The following SYK variants were observed in gnomAD, a reference collection of about 807,000 sequenced individuals.
SYK encodes tyrosine-protein kinase SYK.
SYK carries 16 observed loss-of-function variants against 77.8 expected under a neutral mutation model. The observed-to-expected ratio is 0.21, with a 90% confidence interval of 0.14 to 0.31. SYK has a LOEUF of 0.31. SYK is among the 10% of genes least tolerant of loss of function. The pLI, the probability that SYK is intolerant of heterozygous loss-of-function variation, is 1.00. For missense variants in SYK, 529 were observed against 814.4 expected (o/e 0.65, Z 4.26); for synonymous variants, 312 against 308.7 (o/e 1.01, Z -0.11).
Position 90,895,395 on chromosome 9 carries a change from C to A in SYK, c.1836-133C>A. 2.3e-6 allele frequency: 2 copies of A among 863,374 alleles called. No homozygotes were observed. Among genetic ancestry groups the A allele is most frequent in the Admixed American group, 1.9e-5 (1 of 51,612 alleles). 53.5% of individuals were successfully genotyped at this position (863,374 alleles called of 1,614,324 possible). ...TGGGGTGGGGGGCACAGGGACCACGCTGTGAGCTGCAGGCCCTAGAGTTAG... is the reference window on the plus strand; with the variant it reads ...TGGGGTGGGGGGCACAGGGACCACGATGTGAGCTGCAGGCCCTAGAGTTAG... On this transcript the variant is annotated intron_variant, in intron 13 of 13. Transcript: ENST00000375754. The surrounding 1 kb of genome is among the most constrained non-coding windows in gnomAD (Gnocchi z 4.4).
chr9:90,866,103 G>A (rs931303505), intron 6 of SYK, among the ~76,000 whole-genome samples: 14 of 152,072 alleles, frequency 9.2e-5, no homozygotes, highest in Admixed American at 5.9e-4. Flanking sequence ...GTTTCACCCC[G>A]TTAGCCAGGA....
intron 1 of SYK, among the ~76,000 whole-genome samples, chr9:90,812,872 T>G (rs1412448598): frequency 6.6e-6 from 1 of 152,102 alleles, no homozygotes; most frequent in African/African-American, 2.4e-5. Flanking sequence ...TTTGCCACTC[T>G]GCAGAACTTT....
At chr9:90,877,899 T>C in intron 10 of SYK, 119 bp downstream of exon 10, 1 of 982,900 alleles carries the variant, frequency 1.0e-6, no homozygotes, top group Non-Finnish European at 1.5e-6. Context: ...GTGCCTTCCT[T>C]TATTGGTCCA....
intron 1 of SYK, among the ~76,000 whole-genome samples, chr9:90,829,751 A>G (rs1186387308): frequency 1.3e-5 from 2 of 152,248 alleles, no homozygotes; most frequent in Admixed American, 6.5e-5. Context: ...ATTGTAAATT[A>G]AATGCACCAG....
At chr9:90,829,529 G>A (rs981840901) in intron 1 of SYK, among the ~76,000 whole-genome samples, 16 of 152,196 alleles carry the variant, frequency 1.1e-4, no homozygotes, top group African/African-American at 3.6e-4. Flanking sequence ...GCAAGAAGAC[G>A]TGAGGATAGT....
chr9:90,895,953 G>A lies in SYK; in HGVS notation c.*353G>A. 3.1e-6 allele frequency: 1 copy of A among 327,124 alleles called. No individual in the cohort carries two copies. Among genetic ancestry groups the A allele is most frequent in the South Asian group, 5.0e-5 (1 of 19,960 alleles). 20.3% of individuals were successfully genotyped at this position (327,124 alleles called of 1,614,324 possible). On this transcript the variant is annotated 3_prime_UTR_variant, in exon 14 of 14. Transcript: ENST00000375754. This position sits in a 1 kb window ranked among gnomAD's most constrained non-coding sequence, Gnocchi z 4.4. ...TGCATTTGTTACTCATCGGGCCCAG[G>A]GACATTGCAGAGTGGCCTAGAGCAC...
chr9:90,828,812 G>A (rs1055295385), intron 1 of SYK, among the ~76,000 whole-genome samples: 5 of 152,158 alleles, frequency 3.3e-5, no homozygotes, highest in South Asian at 2.1e-4. Context: ...AGCCTGGCCC[G>A]GTCACCAGCA....
chr9:90,844,981 G>A (rs767328573), intron 2 of SYK, among the ~76,000 whole-genome samples: 1 of 152,084 alleles, frequency 6.6e-6, no homozygotes, highest in Non-Finnish European at 1.5e-5. Context: ...TGTCACCCAG[G>A]CTGGAGTGCA....
At chr9:90,866,336 G>A (rs1416131625) in intron 6 of SYK, among the ~76,000 whole-genome samples, 1 of 152,208 alleles carries the variant, frequency 6.6e-6, no homozygotes, top group East Asian at 1.9e-4. Flanking sequence ...ACAATTGGCT[G>A]CCCAGTAGCT....
rs553192014 is a variant in SYK at position 90,895,192 on chromosome 9, A to G, written c.1836-336A>G. 7.5e-4 allele frequency among the ~76,000 whole-genome samples: 114 copies of G among 152,378 alleles called. No individual in the cohort carries two copies. Among genetic ancestry groups the G allele is most frequent in the African/African-American group, 2.7e-3 (113 of 41,582 alleles). Reference sequence around the variant, plus strand: ...AGCCTCTTCGTGTTGCCTGTGGCACAGAAGCATATTGTGTGCCGCATATCT... The same window carrying G: ...AGCCTCTTCGTGTTGCCTGTGGCACGGAAGCATATTGTGTGCCGCATATCT... On this transcript the variant is annotated intron_variant, in intron 13 of 13. Coordinates refer to ENST00000375754, the MANE Select transcript of SYK (RefSeq NM_003177.7). The surrounding 1 kb of genome is among the most constrained non-coding windows in gnomAD (Gnocchi z 4.4).
Position 90,877,773 on chromosome 9 carries a change from C to G in SYK, c.1384C>G (p.Gln462Glu). 6.2e-7 allele frequency: 1 copy of G among 1,614,130 alleles called. No homozygotes were observed. The highest frequency in any genetic ancestry group is 8.5e-7 in the Non-Finnish European group (1 of 1,180,016). Reference sequence around the variant, plus strand: ...TGGTCCCCTCAATAAGTATTTGCAGCAGAACAGGTATTGTCAGGTGCCCCC... The same window carrying G: ...TGGTCCCCTCAATAAGTATTTGCAGGAGAACAGGTATTGTCAGGTGCCCCC... ...ELGPLNKYLQQNRHVKDKNII... is the reference protein window; with the variant it reads ...ELGPLNKYLQENRHVKDKNII... Residue 462 changes from glutamine to glutamate, a missense_variant, in exon 10 of 14, where the codon CAG (glutamine) becomes GAG (glutamate). Coordinates refer to ENST00000375754, the MANE Select transcript of SYK (RefSeq NM_003177.7).
intron 1 of SYK, among the ~76,000 whole-genome samples, chr9:90,832,567 C>T (rs1473869538): frequency 1.3e-5 from 2 of 152,222 alleles, no homozygotes; most frequent in African/African-American, 4.8e-5. Flanking sequence ...CCTTCCTAAC[C>T]TCTATTTTAG....
intron 7 of SYK, among the ~76,000 whole-genome samples, chr9:90,873,761 G>A (rs1032190799): frequency 1.3e-5 from 2 of 152,222 alleles, no homozygotes; most frequent in South Asian, 4.1e-4. Flanking sequence ...GGTAGGAGCA[G>A]CTGATGAGTA....
intron 1 of SYK, among the ~76,000 whole-genome samples, chr9:90,839,144 C>A (rs1178969529): frequency 6.6e-6 from 1 of 152,176 alleles, no homozygotes; most frequent in African/African-American, 2.4e-5. Context: ...AGGTTGGAGA[C>A]CAGGACAAGG....
chr9:90,833,944 C>T (rs1159269172), intron 1 of SYK, among the ~76,000 whole-genome samples: 2 of 152,186 alleles, frequency 1.3e-5, no homozygotes, highest in African/African-American at 2.4e-5. Context: ...TTTCTGCAGG[C>T]TCCAGGAGGG....
At chr9:90,856,015 G>A (rs565817379) in intron 3 of SYK, among the ~76,000 whole-genome samples, 6 of 152,278 alleles carry the variant, frequency 3.9e-5, no homozygotes, top group Admixed American at 3.9e-4. Flanking sequence ...CCCAAATACT[G>A]TATTATTGGA....
At chr9:90,825,947 T>G (rs924036675) in intron 1 of SYK, among the ~76,000 whole-genome samples, 1 of 152,192 alleles carries the variant, frequency 6.6e-6, no homozygotes, top group African/African-American at 2.4e-5. Flanking sequence ...GCCTTTAAAA[T>G]ACAAAACCTA....
At chr9:90,864,780 T>A in intron 5 of SYK, 113 bp downstream of exon 5, 1 of 907,020 alleles carries the variant, frequency 1.1e-6, no homozygotes, top group South Asian at 1.5e-5. Flanking sequence ...TTTTTACGGG[T>A]TGATTAATAA....
intron 1 of SYK, among the ~76,000 whole-genome samples, chr9:90,840,879 T>C (rs1826282757): frequency 6.6e-6 from 1 of 152,192 alleles, no homozygotes; most frequent in Non-Finnish European, 1.5e-5. Context: ...GACTTGTGGA[T>C]AGACACCGTC....
Sources: allele counts gnomAD v4.1 joint callset (sites outside exome capture counted in the v4.1 genomes callset), GRCh38; gene constraint gnomAD v4.1.1; non-coding constraint Gnocchi (gnomAD v3.1); transcripts MANE v1.5; gene names NCBI Gene and HGNC (gene_info 2026-07-23, HGNC 2026-07-21).